CST5: variants seen among roughly 807,000 people sequenced by gnomAD.
CST5 encodes cystatin-D.
CST5 carries 13 observed loss-of-function variants against 11.5 expected under a neutral mutation model. The observed-to-expected ratio is 1.13, with a 90% CI of 0.73 to 1.79. The LOEUF (loss-of-function observed/expected upper bound fraction) is 1.79, where lower values mean the gene tolerates loss of function less well. CST5 is among the 40% of genes most tolerant of loss of function. CST5 has a pLI of 0.00. For synonymous variants in CST5, 81 were observed against 67.6 expected (o/e 1.20, Z -0.97); for missense variants, 219 against 174.5 (o/e 1.25, Z -1.44).
At chr20:23,877,738 C>A in intron 1 of CST5, 120 bp from the exon 2 acceptor site, 1 of 759,736 alleles carries the variant, frequency 1.3e-6, no homozygotes, top group Non-Finnish European at 2.2e-6. Flanking sequence ...CACTGTCACC[C>A]AAAAGGCACA....
At chr20:23,876,325 G>A in intron 2 of CST5, 54 bp from the exon 3 acceptor site, 1 of 1,425,894 alleles carries the variant, frequency 7.0e-7, no homozygotes, top group Non-Finnish European at 9.9e-7. Context: ...TAAAGCCAAA[G>A]ATGCCCAGGA....
At chr20:23,876,319 G>A (rs762840649) in intron 2 of CST5, 48 bp from the exon 3 acceptor site, 20 of 1,446,298 alleles carry the variant, frequency 1.4e-5, no homozygotes, top group South Asian at 6.9e-5. Context: ...TACAGTTAAA[G>A]CCAAAGATGC....
intron 2 of CST5, among the ~76,000 whole-genome samples, chr20:23,877,211 C>T (rs571500746): frequency 6.3e-4 from 96 of 152,110 alleles, no homozygotes; most frequent in African/African-American, 2.2e-3. Flanking sequence ...CATGCATAGC[C>T]ACATGTGTAC....
chr20:23,879,719 G>A lies in CST5; in HGVS notation c.-43C>T. 4.4e-6 allele frequency: 7 copies of A among 1,579,392 alleles called. No individual in the cohort carries two copies. The highest frequency in any genetic ancestry group is 6.1e-6 in the Non-Finnish European group (7 of 1,155,128). On this transcript the variant is annotated 5_prime_UTR_variant, in exon 1 of 3. Coordinates refer to ENST00000304710, the MANE Select transcript of CST5 (RefSeq NM_001900.5). The stretch of plus-strand genomic sequence containing the variant: ...AGCAAGGAGCTGGATCTCCCAGAGA[G>A]CAAAGCAGCAGAAGGCTGAGGCAGG...
At chr20:23,878,959 C>T (rs1423554881) in intron 1 of CST5, among the ~76,000 whole-genome samples, 2 of 152,192 alleles carry the variant, frequency 1.3e-5, no homozygotes, top group Non-Finnish European at 2.9e-5. Flanking sequence ...CTGTCCTGGG[C>T]TGTAGGGGGT....
chr20:23,879,591 G>T lies in CST5; in HGVS notation c.86C>A (p.Thr29Asn). The T allele has an allele frequency of 6.2e-7, 1 of 1,614,042 alleles. No individual in the cohort carries two copies. The highest frequency in any genetic ancestry group is 8.5e-7 in the Non-Finnish European group (1 of 1,179,984). Residue 29 changes from threonine to asparagine, a missense_variant, in exon 1 of 3, where the codon ACC becomes AAC. Transcript: ENST00000304710. ...TGTGGCATGGATGCCACCTGCCAAG[G>T]TCCTAGATTGGGCCGAGGCACTCCC... ...VAGSASAQSR[T>N]LAGGIHATDL...
At chr20:23,877,733 T>G in intron 1 of CST5, 115 bp from the exon 2 acceptor site, 1 of 831,984 alleles carries the variant, frequency 1.2e-6, no homozygotes, top group South Asian at 1.6e-5. Context: ...GCCCACACTG[T>G]CACCCAAAAG....
At chr20:23,876,408 G>T (rs1480616252) in intron 2 of CST5, 137 bp from the exon 3 acceptor site, 13 of 644,342 alleles carry the variant, frequency 2.0e-5, no homozygotes, top group African/African-American at 7.2e-5. Flanking sequence ...TACCCCTGCC[G>T]AGTTCCAGGG....
chr20:23,876,180 A>T lies in CST5; in HGVS notation c.*8T>A. On this transcript the variant is annotated 3_prime_UTR_variant, in exon 3 of 3. Coordinates refer to ENST00000304710, the MANE Select transcript of CST5 (RefSeq NM_001900.5). ...AGGTGGTCAGTGTGACAGGCCTTGC[A>T]CAGACCCCTAGACTTTCCGGCACTT... The T allele has an allele frequency of 1.2e-6, 2 of 1,610,906 alleles. No homozygotes were observed. The highest frequency in any genetic ancestry group is 2.2e-5 in the South Asian group (2 of 91,012).
At chr20:23,878,336 A>AG (rs1214177691) in intron 1 of CST5, among the ~76,000 whole-genome samples, 3 of 152,194 alleles carry the variant, frequency 2.0e-5, no homozygotes, top group Non-Finnish European at 4.4e-5. Context: ...TAGGGTTGCA[A>AG]CTTCAGAAGA....
chr20:23,876,105 G>A lies in CST5; in HGVS notation c.*83C>T. 8.8e-7 allele frequency: 1 copy of A among 1,132,940 alleles called. No individual in the cohort carries two copies. Among genetic ancestry groups the A allele is most frequent in the Non-Finnish European group, 1.3e-6 (1 of 766,058 alleles). The allele number at this position is 1,132,940 out of a possible 1,614,324, so 70.2% of individuals were successfully genotyped here. The stretch of plus-strand genomic sequence containing the variant: ...GGCGCATGAGGAGACCTCCCCCAGG[G>A]TGGGGGCCACCAGTCCAGGGGTGGG... On this transcript the variant is annotated 3_prime_UTR_variant, in exon 3 of 3. Coordinates refer to ENST00000304710, the MANE Select transcript of CST5 (RefSeq NM_001900.5).
chr20:23,877,750 A>C, intron 1 of CST5, 132 bp from the exon 2 acceptor site: 1 of 694,082 alleles, frequency 1.4e-6, no homozygotes. Context: ...AAAGGCACAC[A>C]AGCCACCTTC....
chr20:23,876,686 G>A (rs1171653521), intron 2 of CST5, among the ~76,000 whole-genome samples: 1 of 152,232 alleles, frequency 6.6e-6, no homozygotes, highest in African/African-American at 2.4e-5. Flanking sequence ...GCAACTCAAA[G>A]TGCCCGAGGT....
At position 23,876,160 on chromosome 20, in the gene CST5, G is replaced by T. The variant is rs1985956662; in HGVS notation, c.*28C>A. The T allele has an allele frequency of 1.9e-6, 3 of 1,581,828 alleles. No homozygotes were observed. The highest frequency in any genetic ancestry group is 2.6e-6 in the Non-Finnish European group (3 of 1,151,268). ...CTACAGGGGGTGGGAGTAGGAGGTGGTCAGTGTGACAGGCCTTGCACAGAC... is the reference window on the plus strand; with the variant it reads ...CTACAGGGGGTGGGAGTAGGAGGTGTTCAGTGTGACAGGCCTTGCACAGAC... On this transcript the variant is annotated 3_prime_UTR_variant, in exon 3 of 3. Coordinates refer to ENST00000304710, the MANE Select transcript of CST5 (RefSeq NM_001900.5).
At chr20:23,877,217 T>C (rs1985982783) in intron 2 of CST5, among the ~76,000 whole-genome samples, 1 of 151,936 alleles carries the variant, frequency 6.6e-6, no homozygotes, top group South Asian at 2.1e-4. Context: ...TAGCCACATG[T>C]GTACACCATC....
intron 1 of CST5, 57 bp downstream of exon 1, chr20:23,879,389 G>A: frequency 7.7e-7 from 1 of 1,292,302 alleles, no homozygotes; most frequent in East Asian, 2.3e-5. Context: ...TGCTCTGGGG[G>A]GTGAGGCAAA....
chr20:23,876,812 G>A (rs965878923), intron 2 of CST5, among the ~76,000 whole-genome samples: 3 of 152,158 alleles, frequency 2.0e-5, no homozygotes, highest in Admixed American at 6.5e-5. Flanking sequence ...GGGCTTCTCA[G>A]CTAACAGGCA....
Position 23,876,464 on chromosome 20 carries a change from G to A in CST5, c.346-193C>T, listed in dbSNP as rs8115304. Among the ~76,000 whole-genome samples the A allele has an allele frequency of 1.4e-3, 220 of 152,222 alleles. 1 individual carries two copies. Among genetic ancestry groups the A allele is most frequent in the African/African-American group, 5.2e-3 (215 of 41,532 alleles). On this transcript the variant is annotated intron_variant, in intron 2 of 2. Coordinates refer to ENST00000304710, the MANE Select transcript of CST5 (RefSeq NM_001900.5). Reference sequence around the variant, plus strand: ...TGACTGTTCCATTGCCCCTCCCAAGGCTCCAAGTCACCAGGTGACATTGGG... The same window carrying A: ...TGACTGTTCCATTGCCCCTCCCAAGACTCCAAGTCACCAGGTGACATTGGG...
intron 2 of CST5, among the ~76,000 whole-genome samples, chr20:23,877,274 A>G (rs1985983584): frequency 6.6e-6 from 1 of 152,174 alleles, no homozygotes; most frequent in South Asian, 2.1e-4. Context: ...GCACAAACAC[A>G]TTCATTGACT....
Sources: gnomAD v4.1 joint callset for allele counts (sites outside exome capture counted in the v4.1 genomes callset) on GRCh38, gnomAD v4.1.1 for gene constraint, MANE v1.5 for transcripts, NCBI Gene and HGNC (gene_info 2026-07-23, HGNC 2026-07-21) for gene names.